CATSPERG: variants seen among roughly 807,000 people sequenced by gnomAD.
CATSPERG encodes cation channel sperm-associated auxiliary subunit gamma.
A neutral mutation model predicts 145.0 loss-of-function variants in CATSPERG; 115 were observed. The ratio of observed to expected loss-of-function variants is 0.79; its 90% CI spans 0.68 to 0.93. The LOEUF is 0.93. Ranked by LOEUF, CATSPERG falls within the 40% of genes least tolerant of loss-of-function variation. The pLI is 0.00. For missense variants in CATSPERG, 1,296 were observed against 1,490.1 expected (o/e 0.87, Z 2.14); for synonymous variants, 588 against 589.0 (o/e 1.00, Z 0.02).
chr19:38,343,724 G>T lies in CATSPERG; in HGVS notation c.469G>T (p.Glu157Ter), dbSNP rs891125632. ...GGAGGCTGCCCCCTTCCGCAGCAAAGGTGGGCCTGGGGGAGGCGGGAGGGA... is the reference window on the plus strand; with the variant it reads ...GGAGGCTGCCCCCTTCCGCAGCAAATGTGGGCCTGGGGGAGGCGGGAGGGA... ...QMEAAPFRSK[E>*]PCMAEEVCSM... is the part of the protein sequence containing the mutation. Residue 157 changes from glutamate (E) to a stop codon, truncating the protein, a stop_gained and splice_region_variant, in exon 4 of 29, where the codon GAG becomes TAG. Coordinates refer to ENST00000409235, the MANE Select transcript of CATSPERG (RefSeq NM_021185.5). LOFTEE classifies it high-confidence loss of function. The T allele has an allele frequency of 6.5e-7, 1 of 1,549,658 alleles. No individual in the cohort carries two copies. Among genetic ancestry groups the T allele is most frequent in the African/African-American group, 1.4e-5 (1 of 73,164 alleles).
chr19:38,347,029 A>C (rs1052455629), intron 7 of CATSPERG, among the ~76,000 whole-genome samples: 1 of 152,054 alleles, frequency 6.6e-6, no homozygotes, highest in Non-Finnish European at 1.5e-5. Context: ...TGGACAACAT[A>C]GTGAGACCCC....
chr19:38,350,224 C>G (rs1029633391), intron 7 of CATSPERG, among the ~76,000 whole-genome samples: 2 of 152,080 alleles, frequency 1.3e-5, no homozygotes, highest in Admixed American at 6.6e-5. Flanking sequence ...ACTCAATCAC[C>G]AAAAAATATG....
chr19:38,352,724 T>C (rs553292226), intron 8 of CATSPERG, among the ~76,000 whole-genome samples: 1 of 148,322 alleles, frequency 6.7e-6, no homozygotes, highest in East Asian at 2.0e-4. Context: ...CCCACGCGTG[T>C]GCCCACACAC....
At chr19:38,351,907 T>TA (rs200385282) in intron 7 of CATSPERG, among the ~76,000 whole-genome samples, 2 of 151,724 alleles carry the variant, frequency 1.3e-5, no homozygotes, top group African/African-American at 4.8e-5. Context: ...ATCCAGCCTT[T>TA]AAAAAAAATG....
chr19:38,342,170 G>T (rs1163548483), intron 3 of CATSPERG, among the ~76,000 whole-genome samples: 1 of 150,456 alleles, frequency 6.6e-6, no homozygotes, highest in East Asian at 1.9e-4. Context: ...GAGGCCAAGA[G>T]TTCAAGACCA....
At chr19:38,353,105 G>A (rs1349167219) in intron 8 of CATSPERG, among the ~76,000 whole-genome samples, 12 of 150,320 alleles carry the variant, frequency 8.0e-5, no homozygotes, top group African/African-American at 2.4e-4. Context: ...AGGCCGAGGC[G>A]GGTGGATCAC....
chr19:38,368,208 C>A (rs1970488986), intron 26 of CATSPERG, 71 bp downstream of exon 26: 2 of 1,340,248 alleles, frequency 1.5e-6, no homozygotes, highest in Admixed American at 1.7e-5. Context: ...ATCCTTTCTG[C>A]CCCTAGGAGG....
At chr19:38,362,108 G>A (rs1970357650) in intron 17 of CATSPERG, 102 bp from the exon 18 acceptor site, 1 of 1,310,418 alleles carries the variant, frequency 7.6e-7, no homozygotes, top group Non-Finnish European at 1.1e-6. Context: ...GCTCTGGGTT[G>A]GGGGCTGGCT....
In CATSPERG at chr19:38,356,545, T is replaced by A. The variant is rs996423100; in HGVS notation, c.1195+2T>A. ...GGTCTGTGTGCGAGCAGATAGGAGGTACTCATTACCCCGATGGGTCTGCGG... is the reference window on the plus strand; with the variant it reads ...GGTCTGTGTGCGAGCAGATAGGAGGAACTCATTACCCCGATGGGTCTGCGG... On this transcript the variant is annotated splice_donor_variant, in intron 10 of 28. Transcript: ENST00000409235. LOFTEE classifies it high-confidence loss of function. 3 of 1,612,994 alleles carry A rather than the reference T, an allele frequency of 1.9e-6. No individual in the cohort carries two copies. The African/African-American group carries it at 4.0e-5, about 22-fold the overall frequency.
intron 14 of CATSPERG, chr19:38,360,119 G>A (rs2286476): frequency 0.26 from 257,259 of 985,020 alleles, 34,916 homozygotes; most frequent in East Asian, 0.58. Context: ...ACTGAGGCCA[G>A]GGAAATGGTG....
chr19:38,344,930 G>A (rs1474514974), intron 6 of CATSPERG, among the ~76,000 whole-genome samples: 1 of 111,044 alleles, frequency 9.0e-6, no homozygotes, highest in African/African-American at 3.5e-5. Context: ...TTTTTGAGAC[G>A]GGGCCTCGCT....
Position 38,358,431 on chromosome 19 carries a change from G to T in CATSPERG, c.1367-1G>T. 6.2e-7 allele frequency: 1 copy of T among 1,614,192 alleles called. No individual in the cohort carries two copies. Among genetic ancestry groups the T allele is most frequent in the Non-Finnish European group, 8.5e-7 (1 of 1,180,018 alleles). The stretch of plus-strand genomic sequence containing the variant: ...GTCCTCTCTTCCTCTGCTCCGGTCA[G>T]CTCGAGGATTGGAGTTCCTGATGAT... On this transcript the variant is annotated splice_acceptor_variant, in intron 12 of 28. Coordinates refer to ENST00000409235, the MANE Select transcript of CATSPERG (RefSeq NM_021185.5). LOFTEE classifies it high-confidence loss of function.
chr19:38,352,506 G>A (rs1364960411), intron 8 of CATSPERG, 74 bp downstream of exon 8: 2 of 1,423,620 alleles, frequency 1.4e-6, no homozygotes, highest in Non-Finnish European at 1.9e-6. Context: ...GTGGCTGGGG[G>A]CTGGAATTGC....
At position 38,356,472 on chromosome 19, in the gene CATSPERG, C is replaced by T. The variant is rs763548211; in HGVS notation, c.1136-12C>T. 2.4e-5 allele frequency: 38 copies of T among 1,613,772 alleles called. No individual in the cohort carries two copies. The highest frequency in any genetic ancestry group is 3.1e-5 in the Non-Finnish European group (36 of 1,179,858). On this transcript the variant is annotated splice_polypyrimidine_tract_variant and intron_variant, in intron 9 of 28. Coordinates refer to ENST00000409235, the MANE Select transcript of CATSPERG (RefSeq NM_021185.5). ...GAGAGGGCCTGAACATGAACCCGAC[C>T]TTGCTCTGCAGATGGCCAGGTGTCC...
intron 3 of CATSPERG, among the ~76,000 whole-genome samples, chr19:38,341,294 G>A (rs1419661291): frequency 6.6e-6 from 1 of 152,214 alleles, no homozygotes; most frequent in Non-Finnish European, 1.5e-5. Flanking sequence ...CAGGGCAGGA[G>A]CAGTGAGACA....
At chr19:38,359,384 A>T (rs1416693529) in intron 13 of CATSPERG, 86 bp from the exon 14 acceptor site, 3 of 816,892 alleles carry the variant, frequency 3.7e-6, no homozygotes, top group Non-Finnish European at 6.4e-6. Flanking sequence ...GTGGAGAAAC[A>T]GTAAGTGGCT....
chr19:38,346,161 T>C (rs1970038039), intron 6 of CATSPERG, among the ~76,000 whole-genome samples: 1 of 152,096 alleles, frequency 6.6e-6, no homozygotes, highest in African/African-American at 2.4e-5. Flanking sequence ...AAGGAGAGAA[T>C]TGCATGGATA....
In CATSPERG at chr19:38,356,468, C is replaced by T. The variant is rs373175131; in HGVS notation, c.1136-16C>T. 1.4e-5 allele frequency: 22 copies of T among 1,613,410 alleles called. No individual in the cohort carries two copies. Among genetic ancestry groups the T allele is most frequent in the Admixed American group, 1.7e-5 (1 of 59,930 alleles). ...GAGGGAGAGGGCCTGAACATGAACC[C>T]GACCTTGCTCTGCAGATGGCCAGGT... On this transcript the variant is annotated splice_polypyrimidine_tract_variant and intron_variant, in intron 9 of 28. Coordinates refer to ENST00000409235, the MANE Select transcript of CATSPERG (RefSeq NM_021185.5).
chr19:38,358,948 C>T (rs1970296252), intron 13 of CATSPERG, among the ~76,000 whole-genome samples: 1 of 152,064 alleles, frequency 6.6e-6, no homozygotes, highest in Non-Finnish European at 1.5e-5. Flanking sequence ...CTCCCAGATT[C>T]AAGCGATTCT....
Sources: gnomAD v4.1 joint callset for allele counts (sites outside exome capture counted in the v4.1 genomes callset) on GRCh38, gnomAD v4.1.1 for gene constraint, MANE v1.5 for transcripts, NCBI Gene and HGNC (gene_info 2026-07-23, HGNC 2026-07-21) for gene names.